The following DNAJC11 variants were observed in gnomAD, a reference collection of about 807,000 sequenced individuals.
DNAJC11 encodes DnaJ heat shock protein family (Hsp40) member C11.
In DNAJC11, 15 loss-of-function variants were observed where a neutral mutation model predicts 78.6. That is an observed-to-expected ratio of 0.19 (90% CI 0.13 to 0.29). The LOEUF (loss-of-function observed/expected upper bound fraction) is 0.29, where lower values mean the gene tolerates loss of function less well. Among genes scored for constraint, DNAJC11 ranks in the 10% least tolerant of loss-of-function variants. DNAJC11 has a pLI of 1.00. For missense variants in DNAJC11, 547 were observed against 709.6 expected (o/e 0.77, Z 2.60); for synonymous variants, 292 against 272.1 (o/e 1.07, Z -0.72).
At chr1:6,654,231 A>C (rs1642096237) in intron 4 of DNAJC11, 192 bp from the exon 5 acceptor site, 3 of 530,040 alleles carry the variant, frequency 5.7e-6, no homozygotes, top group African/African-American at 1.9e-5. Flanking sequence ...ACTGCAGAGC[A>C]CCACAGACGT....
intron 4 of DNAJC11, 63 bp from the exon 5 acceptor site, chr1:6,654,102 A>G: frequency 1.9e-6 from 3 of 1,584,932 alleles, no homozygotes; most frequent in South Asian, 1.1e-5. Flanking sequence ...AGACAATGCT[A>G]CACTTCAACA....
At chr1:6,651,057 C>CAGGG (rs1355961713) in intron 7 of DNAJC11, 1 of 533,832 alleles carries the variant, frequency 1.9e-6, no homozygotes, top group Non-Finnish European at 3.8e-6. Flanking sequence ...CTAGAAGGGA[C>CAGGG]AGGGATATAC....
At chr1:6,651,205 G>A in intron 7 of DNAJC11, 1 of 582,410 alleles carries the variant, frequency 1.7e-6, no homozygotes, top group South Asian at 1.4e-5. Flanking sequence ...CGATCCATAA[G>A]TCTGTAAGTG....
At chr1:6,667,480 C>G (rs1025595035) in intron 4 of DNAJC11, among the ~76,000 whole-genome samples, 2 of 152,138 alleles carry the variant, frequency 1.3e-5, no homozygotes, top group African/African-American at 2.4e-5. Flanking sequence ...TTTGTCTTCC[C>G]TCCACATGGT....
chr1:6,659,074 A>G (rs1409882532), intron 4 of DNAJC11, among the ~76,000 whole-genome samples: 1 of 152,230 alleles, frequency 6.6e-6, no homozygotes, highest in Non-Finnish European at 1.5e-5. Flanking sequence ...GGATCAAAGC[A>G]GTTTCCATGA....
chr1:6,675,938 T>C (rs1557482971), intron 3 of DNAJC11, among the ~76,000 whole-genome samples: 1 of 152,178 alleles, frequency 6.6e-6, no homozygotes, highest in Admixed American at 6.5e-5. Context: ...AATTGCTGAC[T>C]TGAAAAATTG....
intron 4 of DNAJC11, among the ~76,000 whole-genome samples, chr1:6,660,749 T>C (rs1642199570): frequency 6.6e-6 from 1 of 152,228 alleles, no homozygotes; most frequent in African/African-American, 2.4e-5. Flanking sequence ...TAAATGTTAT[T>C]TTGCAGTTTA....
At chr1:6,674,919 T>G (rs1255760126) in intron 3 of DNAJC11, among the ~76,000 whole-genome samples, 2 of 152,160 alleles carry the variant, frequency 1.3e-5, no homozygotes, top group Non-Finnish European at 2.9e-5. Context: ...ACTACCCATA[T>G]GGTAGCCTAA....
chr1:6,681,505 C>T (rs1642551960), intron 1 of DNAJC11, among the ~76,000 whole-genome samples: 4 of 152,332 alleles, frequency 2.6e-5, no homozygotes, highest in East Asian at 1.9e-4. Context: ...GTAAGGCCCA[C>T]GTGCACTCGA....
intron 7 of DNAJC11, among the ~76,000 whole-genome samples, chr1:6,647,080 CT>C (rs70981396): frequency 0.53 from 49,711 of 94,392 alleles, 11,847 homozygotes; most frequent in South Asian, 0.65. Flanking sequence ...CTGGACAGGT[CT>C]TTTTTTTTTT....
chr1:6,644,712 A>G, intron 9 of DNAJC11, 38 bp from the exon 10 acceptor site: 2 of 1,550,888 alleles, frequency 1.3e-6, no homozygotes, highest in Non-Finnish European at 1.8e-6. Flanking sequence ...TGTGCCCCTC[A>G]TTCATCACTT....
intron 3 of DNAJC11, among the ~76,000 whole-genome samples, chr1:6,669,328 G>C (rs1642340525): frequency 6.6e-6 from 1 of 151,152 alleles, no homozygotes; most frequent in Non-Finnish European, 1.5e-5. Context: ...TGGCCAACAT[G>C]GTGAAACCCT....
rs112879633 is a variant in DNAJC11, at chr1:6,659,488, G to A, written c.379-5449C>T. Among the ~76,000 whole-genome samples, 553 of 152,326 alleles carry A rather than the reference G, an allele frequency of 3.6e-3. 5 individuals are homozygous for A. The highest frequency in any genetic ancestry group is 6.8e-3 in the Middle Eastern group (2 of 294). On this transcript the variant is annotated intron_variant, in intron 4 of 15. Transcript: ENST00000377577. ...CTAATTAAAACTGCAGGCTGGGCAT[G>A]GTGGCTCACACCTGTAATCACAGCG...
chr1:6,663,992 C>T (rs549649436), intron 4 of DNAJC11, among the ~76,000 whole-genome samples: 8 of 152,188 alleles, frequency 5.3e-5, no homozygotes, highest in Non-Finnish European at 1.0e-4. Context: ...TCCCATGCTG[C>T]CTCCCATGGA....
chr1:6,640,009 G>T lies in DNAJC11; in HGVS notation c.1146C>A (p.Asp382Glu). ...QTYFFPIHLTDQLLPSAMFYA... is the reference protein window; with the variant it reads ...QTYFFPIHLTEQLLPSAMFYA... ...AGAACATGGCGCTGGGCAGAAGCTG[G>T]TCCGTCAAGTGAATAGGGAAGAAGT... Residue 382 changes from aspartate (D) to glutamate (E), a missense_variant, in exon 11 of 16, where the codon GAC becomes GAA. By Grantham distance (45) the Asp-to-Glu change is conservative. Transcript: ENST00000377577. 6.2e-7 allele frequency: 1 copy of T among 1,608,554 alleles called. No homozygotes were observed. Among genetic ancestry groups the T allele is most frequent in the Non-Finnish European group, 8.5e-7 (1 of 1,178,136 alleles).
rs576195389 is a variant in DNAJC11, at chr1:6,683,110, T to C, written c.73-2073A>G. Among the ~76,000 whole-genome samples the C allele has an allele frequency of 2.0e-5, 3 of 152,268 alleles. No homozygotes were observed. In the East Asian group the frequency reaches 5.8e-4, roughly 29 times the overall value. ...TGAGCAGCTCCTGGCCTCTGAGAAT[T>C]GGTGAGACCCCACTCCGCGGCAAAT... On this transcript the variant is annotated intron_variant, in intron 1 of 15. Coordinates refer to ENST00000377577, the MANE Select transcript of DNAJC11 (RefSeq NM_018198.4).
At chr1:6,667,601 G>A in intron 4 of DNAJC11, 108 bp downstream of exon 4, 4 of 902,656 alleles carry the variant, frequency 4.4e-6, no homozygotes, top group Non-Finnish European at 7.0e-6. Flanking sequence ...CCACCAGCTT[G>A]TATGTTTTTA....
chr1:6,639,995 C>T lies in DNAJC11; in HGVS notation c.1160G>A (p.Ser387Asn). Reference sequence around the variant, plus strand: ...CCCCACGGTGGCATAGAACATGGCGCTGGGCAGAAGCTGGTCCGTCAAGTG... The same window carrying T: ...CCCCACGGTGGCATAGAACATGGCGTTGGGCAGAAGCTGGTCCGTCAAGTG... ...PIHLTDQLLP[S>N]AMFYATVGPL... is the part of the protein sequence containing the mutation. Residue 387 changes from serine (S) to asparagine (N), a missense_variant, in exon 11 of 16, where the codon AGC becomes AAC. Ser to Asn is a conservative substitution (Grantham distance 46). Coordinates refer to ENST00000377577, the MANE Select transcript of DNAJC11 (RefSeq NM_018198.4). 1 of 1,599,958 alleles carries T rather than the reference C, an allele frequency of 6.3e-7. No individual in the cohort carries two copies.
At chr1:6,701,432 G>A (rs919018804) in intron 1 of DNAJC11, among the ~76,000 whole-genome samples, 1 of 152,208 alleles carries the variant, frequency 6.6e-6, no homozygotes, top group Non-Finnish European at 1.5e-5. Flanking sequence ...TGGCCTCCTC[G>A]GGGCCCCCGT....
Sources: gnomAD v4.1 joint callset for allele counts (sites outside exome capture counted in the v4.1 genomes callset) on GRCh38, gnomAD v4.1.1 for gene constraint, MANE v1.5 for transcripts, NCBI Gene and HGNC (gene_info 2026-07-23, HGNC 2026-07-21) for gene names.